ROR1: variants seen among roughly 807,000 people sequenced by gnomAD.
ROR1 encodes the protein inactive tyrosine-protein kinase transmembrane receptor ROR1.
ROR1 carries 19 observed loss-of-function variants against 78.8 expected under a neutral mutation model. The observed-to-expected ratio is 0.24, with a 90% CI of 0.17 to 0.35. The LOEUF (loss-of-function observed/expected upper bound fraction) is 0.35. ROR1 is among the 10% of genes least tolerant of loss of function. The pLI, the probability that ROR1 is intolerant of heterozygous loss-of-function variation, is 1.00. For missense variants in ROR1, 917 were observed against 1,177.8 expected (o/e 0.78, Z 3.24); for synonymous variants, 386 against 433.6 (o/e 0.89, Z 1.36).
intron 1 of ROR1, among the ~76,000 whole-genome samples, chr1:63,849,482 G>A (rs568428535): frequency 6.6e-6 from 1 of 152,240 alleles, no homozygotes; most frequent in Non-Finnish European, 1.5e-5. Context: ...AGGATCACTT[G>A]AGCTCAGGAG....
At chr1:64,051,585 C>T (rs887194896) in intron 4 of ROR1, among the ~76,000 whole-genome samples, 1 of 151,984 alleles carries the variant, frequency 6.6e-6, no homozygotes, top group Non-Finnish European at 1.5e-5. Context: ...ATTTTGAGTC[C>T]CTCGTTAATG....
chr1:63,956,518 A>T (rs1422760071), intron 1 of ROR1, among the ~76,000 whole-genome samples: 1 of 152,154 alleles, frequency 6.6e-6, no homozygotes, highest in Non-Finnish European at 1.5e-5. Flanking sequence ...TTTAAGAAAC[A>T]TTGGCTGTTA....
At chr1:63,895,266 A>G (rs1415456741) in intron 1 of ROR1, among the ~76,000 whole-genome samples, 1 of 152,164 alleles carries the variant, frequency 6.6e-6, no homozygotes, top group Non-Finnish European at 1.5e-5. Flanking sequence ...ACACAGGACT[A>G]TTACTCAGAT....
chr1:63,928,837 G>A (rs184698080), intron 1 of ROR1, among the ~76,000 whole-genome samples: 1 of 152,082 alleles, frequency 6.6e-6, no homozygotes, highest in African/African-American at 2.4e-5. Flanking sequence ...GAGTCCTTGG[G>A]ATAACCCTCT....
chr1:63,930,630 G>C (rs1395044627), intron 1 of ROR1, among the ~76,000 whole-genome samples: 2 of 152,164 alleles, frequency 1.3e-5, no homozygotes, highest in Non-Finnish European at 2.9e-5. Flanking sequence ...TGCTAGAGTG[G>C]AGATGCCCAT....
At chr1:64,137,525 T>A (rs1269917872) in intron 5 of ROR1, 29 bp downstream of exon 5, 5 of 1,598,740 alleles carry the variant, frequency 3.1e-6, no homozygotes, top group Non-Finnish European at 4.3e-6. Flanking sequence ...ATTATATTTG[T>A]CCCTTGAATA....
intron 4 of ROR1, among the ~76,000 whole-genome samples, chr1:64,132,794 A>G (rs574941120): frequency 7.0e-6 from 1 of 143,804 alleles, no homozygotes; most frequent in Non-Finnish European, 1.5e-5. Context: ...AGAGAGAGAG[A>G]TAGGCATTTT....
intron 1 of ROR1, among the ~76,000 whole-genome samples, chr1:63,998,438 A>G (rs1646356174): frequency 6.6e-6 from 1 of 152,130 alleles, no homozygotes. Context: ...AACATGAAAA[A>G]TATTTTTATT....
At chr1:64,153,554 A>G (rs1021900015) in intron 7 of ROR1, among the ~76,000 whole-genome samples, 1 of 152,244 alleles carries the variant, frequency 6.6e-6, no homozygotes, top group Non-Finnish European at 1.5e-5. Context: ...TATGCAAACA[A>G]TGGAATATTA....
intron 4 of ROR1, among the ~76,000 whole-genome samples, chr1:64,104,058 C>A (rs529807503): frequency 1.3e-5 from 2 of 152,184 alleles, no homozygotes; most frequent in African/African-American, 2.4e-5. Context: ...CTCTCCAGCC[C>A]CAAACGTCAA....
chr1:64,022,445 A>G (rs1444062491), intron 2 of ROR1, among the ~76,000 whole-genome samples: 1 of 152,250 alleles, frequency 6.6e-6, no homozygotes, highest in Non-Finnish European at 1.5e-5. Flanking sequence ...TAAACAAAAC[A>G]GTCACAATGA....
intron 4 of ROR1, among the ~76,000 whole-genome samples, chr1:64,078,044 A>T (rs1647067103): frequency 6.6e-6 from 1 of 152,212 alleles, no homozygotes; most frequent in African/African-American, 2.4e-5. Flanking sequence ...ATATCTGGAC[A>T]CTATAACAAA....
chr1:63,950,528 C>T (rs1369799470), intron 1 of ROR1, among the ~76,000 whole-genome samples: 1 of 152,214 alleles, frequency 6.6e-6, no homozygotes, highest in African/African-American at 2.4e-5. Flanking sequence ...TTCTTTACTG[C>T]ATCCTGTTTT....
intron 1 of ROR1, among the ~76,000 whole-genome samples, chr1:63,795,780 C>T (rs1360313435): frequency 6.6e-6 from 1 of 152,180 alleles, no homozygotes; most frequent in East Asian, 1.9e-4. Context: ...GCCTTATCTT[C>T]TGCCTCAATA....
At chr1:64,155,413 C>T (rs1412634005) in intron 7 of ROR1, among the ~76,000 whole-genome samples, 1 of 152,088 alleles carries the variant, frequency 6.6e-6, no homozygotes, top group African/African-American at 2.4e-5. Context: ...GAATGTGTTT[C>T]TGTCACTTCC....
At chr1:63,903,014 C>T (rs1416645373) in intron 1 of ROR1, among the ~76,000 whole-genome samples, 3 of 152,174 alleles carry the variant, frequency 2.0e-5, no homozygotes, top group Non-Finnish European at 2.9e-5. Context: ...TGCTCAGAAA[C>T]CCTACCTAGT....
In ROR1 at chr1:64,146,609, GA is replaced by G. The variant is rs377094910; in HGVS notation, c.1174+3961del. On this transcript the variant is annotated intron_variant, in intron 7 of 8. Coordinates refer to ENST00000371079, the MANE Select transcript of ROR1 (RefSeq NM_005012.4). ...CAGAAGTAGGGAAGTAATTTGTCCAGAAGCTGGAAGACATATTGATACTCTG... is the reference window on the plus strand; with the variant it reads ...CAGAAGTAGGGAAGTAATTTGTCCAGAGCTGGAAGACATATTGATACTCTG... Among the ~76,000 whole-genome samples, 650 of 152,282 alleles carry G rather than the reference GA, an allele frequency of 4.3e-3. 5 individuals carry two copies. The highest frequency in any genetic ancestry group is 0.015 in the African/African-American group (611 of 41,558).
chr1:64,022,028 G>A (rs2100557552), intron 2 of ROR1, among the ~76,000 whole-genome samples: 1 of 152,274 alleles, frequency 6.6e-6, no homozygotes, highest in South Asian at 2.1e-4. Flanking sequence ...TAAACAAAGA[G>A]TGGTACAGAC....
chr1:63,843,209 TAGGG>T lies in ROR1; in HGVS notation c.91+68704_91+68707del, dbSNP rs959837608. 8 of 1,469,222 alleles carry T rather than the reference TAGGG, an allele frequency of 5.4e-6. 1 individual carries two copies. In the Middle Eastern group the frequency reaches 1.2e-3, roughly 223 times the overall value. The allele number at this position is 1,469,222 out of a possible 1,614,324, so 91.0% of individuals were successfully genotyped here. On this transcript the variant is annotated intron_variant, in intron 1 of 8. Transcript: ENST00000371079. Reference sequence around the variant, plus strand: ...AACCGGCTCACAAAGGCTTGTCCTCTAGGGAGATGACCGCACTGCCCCCCAGCTT... The same window carrying T: ...AACCGGCTCACAAAGGCTTGTCCTCTAGATGACCGCACTGCCCCCCAGCTT...
Sources: allele counts gnomAD v4.1 joint callset (sites outside exome capture counted in the v4.1 genomes callset), GRCh38; gene constraint gnomAD v4.1.1; transcripts MANE v1.5; gene names NCBI Gene and HGNC (gene_info 2026-07-23, HGNC 2026-07-21).